Variants in LHX6 observed in about 807,000 individuals in gnomAD.
LHX6 encodes the protein LIM homeobox 6.
LHX6 carries 15 observed loss-of-function variants against 47.1 expected under a neutral mutation model. The observed-to-expected ratio is 0.32, with a 90% CI of 0.21 to 0.49. The LOEUF is 0.49. Among genes scored for constraint, LHX6 ranks in the 20% least tolerant of loss-of-function variants. LHX6 has a pLI of 0.99. For synonymous variants in LHX6, 242 were observed against 233.5 expected (o/e 1.04, Z -0.33); for missense variants, 404 against 539.6 (o/e 0.75, Z 2.49).
intron 9 of LHX6, among the ~76,000 whole-genome samples, chr9:122,206,852 G>C (rs1830198805): frequency 6.6e-6 from 1 of 152,118 alleles, no homozygotes; most frequent in Non-Finnish European, 1.5e-5. Flanking sequence ...ACGTCCCCCA[G>C]GGTCCCCTCC....
intron 2 of LHX6, 51 bp downstream of exon 2, chr9:122,227,358 G>C (rs532783853): frequency 6.9e-7 from 1 of 1,456,098 alleles, no homozygotes; most frequent in African/African-American, 1.5e-5. Context: ...AGGTCCCCAG[G>C]GCCGGGCCGC....
intron 4 of LHX6, among the ~76,000 whole-genome samples, chr9:122,218,233 G>C (rs116540710): frequency 1.9e-3 from 283 of 152,182 alleles, no homozygotes; most frequent in African/African-American, 6.4e-3. Flanking sequence ...GCCTGATCCC[G>C]GGCACCAGGG....
chr9:122,218,171 C>T (rs988433261), intron 4 of LHX6, among the ~76,000 whole-genome samples: 4 of 152,120 alleles, frequency 2.6e-5, no homozygotes, highest in African/African-American at 9.7e-5. Context: ...ACTGGAAGCC[C>T]CTCCAGGAGG....
intron 4 of LHX6, among the ~76,000 whole-genome samples, chr9:122,223,317 G>C (rs556428886): frequency 6.6e-6 from 1 of 152,228 alleles, no homozygotes; most frequent in Admixed American, 6.5e-5. Context: ...TGCTTTCAGG[G>C]CTCTTGTCAT....
Position 122,226,786 on chromosome 9 carries a change from C to T in LHX6, c.339+62G>A, listed in dbSNP as rs1831120969. 3.3e-6 allele frequency: 5 copies of T among 1,499,826 alleles called. No homozygotes were observed. Among genetic ancestry groups the T allele is most frequent in the Admixed American group, 4.2e-5 (2 of 48,002 alleles). The allele number at this position is 1,499,826 out of a possible 1,614,324, so 92.9% of individuals were successfully genotyped here. On this transcript the variant is annotated intron_variant, in intron 3 of 9. Coordinates refer to ENST00000394319, the MANE Select transcript of LHX6 (RefSeq NM_014368.5). The surrounding 1 kb of genome is among the most constrained non-coding windows in gnomAD (Gnocchi z 6.5). ...TAAGAGGACCTGCGGTGCTTCCCTG[C>T]AGTCTCCTGCGCTGCGTCCCACGCC...
At position 122,214,167 on chromosome 9, in the gene LHX6, T is replaced by G; in HGVS notation, c.784-98A>C. The G allele has an allele frequency of 1.4e-6, 2 of 1,409,540 alleles. No individual in the cohort carries two copies. Among genetic ancestry groups the G allele is most frequent in the South Asian group, 2.7e-5 (2 of 75,336 alleles). 87.3% of individuals were successfully genotyped at this position (1,409,540 alleles called of 1,614,324 possible). A position where few individuals can be genotyped will look rare whatever the true frequency, so the allele number is the denominator to read the frequency against. Reference sequence around the variant, plus strand: ...GTCCACAGGCCACGCCCCAGGCAGCTGCGGCCCCGCCCCGCCACCCGGGTC... The same window carrying G: ...GTCCACAGGCCACGCCCCAGGCAGCGGCGGCCCCGCCCCGCCACCCGGGTC... On this transcript the variant is annotated intron_variant, in intron 6 of 9. Coordinates refer to ENST00000394319, the MANE Select transcript of LHX6 (RefSeq NM_014368.5). The surrounding 1 kb of genome is among the most constrained non-coding windows in gnomAD (Gnocchi z 4.6).
intron 4 of LHX6, among the ~76,000 whole-genome samples, chr9:122,219,747 C>T (rs1830759990): frequency 6.6e-6 from 1 of 152,134 alleles, no homozygotes. Context: ...GCCGGAAACT[C>T]CACAGGGTAT....
chr9:122,219,508 G>A (rs925331284), intron 4 of LHX6, among the ~76,000 whole-genome samples: 1 of 152,202 alleles, frequency 6.6e-6, no homozygotes, highest in African/African-American at 2.4e-5. Context: ...CACCCGGCTG[G>A]TGGTATCCGG....
At chr9:122,207,038 C>G (rs747734061) in intron 9 of LHX6, among the ~76,000 whole-genome samples, 1 of 152,218 alleles carries the variant, frequency 6.6e-6, no homozygotes, top group Non-Finnish European at 1.5e-5. Context: ...TAACTGCCCA[C>G]ACCCTGTGCT....
chr9:122,222,961 G>A (rs767920939), intron 4 of LHX6, among the ~76,000 whole-genome samples: 1 of 152,154 alleles, frequency 6.6e-6, no homozygotes. Context: ...GGAAACAGAA[G>A]CCTAGAGAAC....
chr9:122,209,491 G>A, intron 9 of LHX6, 123 bp downstream of exon 9: 3 of 1,452,588 alleles, frequency 2.1e-6, no homozygotes, highest in Non-Finnish European at 2.8e-6. Context: ...GGTCTCAGCA[G>A]GCCGGGCAGA....
chr9:122,226,860 T>C lies in LHX6; in HGVS notation c.327A>G (p.Arg109=), dbSNP rs1828700475. 3 of 1,566,678 alleles carry C rather than the reference T, an allele frequency of 1.9e-6. No homozygotes were observed. The highest frequency in any genetic ancestry group is 2.6e-6 in the Non-Finnish European group (3 of 1,156,090). Residue 109 remains arginine, a synonymous_variant, in exon 3 of 10, where the codon CGA becomes CGG. Transcript: ENST00000394319. The surrounding 1 kb of genome is among the most constrained non-coding windows in gnomAD (Gnocchi z 6.5). ...ACCCCTGTCTCACCTTGAGCAGATA[T>C]CGGTCCAGGATCTCGAGGCCGCAGC... The part of the protein sequence containing the change: ...CSSCGLEILD[R]YLLKVNNLIW...
In LHX6 at chr9:122,226,934, G is replaced by A. The variant is rs1242865793; in HGVS notation, c.253C>T (p.Pro85Ser). The change falls in exon 3 of 10, where the codon CCC (proline) becomes TCC (serine). Residue 85 changes from proline (P) to serine (S), a missense_variant. Around this residue, in one of 7 missense-constraint regions of LHX6, gnomAD observed 144 missense variants for 128.7 expected, o/e 1.12. Coordinates refer to ENST00000394319, the MANE Select transcript of LHX6 (RefSeq NM_014368.5). The surrounding 1 kb of genome is among the most constrained non-coding windows in gnomAD (Gnocchi z 6.5). The part of the protein sequence containing the change: ...TPSTPSVCSP[P>S]SAASSVPSAG... The stretch of plus-strand genomic sequence containing the variant: ...GACGGCACGGAGGAGGCGGCAGAGG[G>A]CGGTGAGCAGACAGATGGCGTGCTG... 4.5e-6 allele frequency: 7 copies of A among 1,558,684 alleles called. No homozygotes were observed. The highest frequency in any genetic ancestry group is 6.1e-6 in the Non-Finnish European group (7 of 1,151,342).
intron 4 of LHX6, among the ~76,000 whole-genome samples, chr9:122,222,128 C>A (rs906043276): frequency 6.6e-6 from 1 of 152,222 alleles, no homozygotes; most frequent in African/African-American, 2.4e-5. Flanking sequence ...AGCAATGGCA[C>A]TTTCCCAGGA....
At chr9:122,211,582 G>A (rs1163374275) in intron 8 of LHX6, among the ~76,000 whole-genome samples, 1 of 152,194 alleles carries the variant, frequency 6.6e-6, no homozygotes, top group African/African-American at 2.4e-5. Flanking sequence ...GTTTACCATA[G>A]AGCAAACTGC....
rs372911273 is a variant in LHX6 at position 122,213,411 on chromosome 9, G to T, written c.1054+195C>A. On this transcript the variant is annotated intron_variant, in intron 8 of 9. Transcript: ENST00000394319. The surrounding 1 kb of genome is among the most constrained non-coding windows in gnomAD (Gnocchi z 5.5). ...ATCGCTTGCCTCTATGAAGGATCCC[G>T]CTCCACTGAGGCAGAGCCGAAGATT... Among the ~76,000 whole-genome samples, 327 of 152,166 alleles carry T rather than the reference G, an allele frequency of 2.1e-3. 1 individual carries two copies. The highest frequency in any genetic ancestry group is 7.6e-3 in the African/African-American group (317 of 41,508).
At chr9:122,227,695 C>T (rs1449619423) in intron 1 of LHX6, 2 of 1,021,342 alleles carry the variant, frequency 2.0e-6, no homozygotes, top group African/African-American at 1.7e-5. Context: ...CTCTCTCCCC[C>T]TCTCCCTGCA....
At position 122,226,129 on chromosome 9, in the gene LHX6, C is replaced by T. The variant is rs1323259971; in HGVS notation, c.461+247G>A. On this transcript the variant is annotated intron_variant, in intron 4 of 9. Transcript: ENST00000394319. This position sits in a 1 kb window ranked among gnomAD's most constrained non-coding sequence, Gnocchi z 6.5. ...ACCCGAGACAGAGCCAGAGACGATA[C>T]CGAAACCCAATGGACCGCGAGGACC... is the stretch of plus-strand genomic sequence containing the variant. Among the ~76,000 whole-genome samples the T allele has an allele frequency of 6.6e-6, 1 of 152,188 alleles. No homozygotes were observed. Among genetic ancestry groups the T allele is most frequent in the Non-Finnish European group, 1.5e-5 (1 of 68,046 alleles).
chr9:122,221,808 C>T lies in LHX6; in HGVS notation c.462-4520G>A, dbSNP rs73663052. 9.4e-4 allele frequency: 700 copies of T among 744,858 alleles called. 3 individuals carry two copies. The African/African-American group carries it at 0.013, about 13-fold the overall frequency. 46.1% of individuals were successfully genotyped at this position (744,858 alleles called of 1,614,324 possible). A position where few individuals can be genotyped will look rare whatever the true frequency, so the allele number is the denominator to read the frequency against. The stretch of plus-strand genomic sequence containing the variant: ...TTTGGATCAGCAGAGAGGGGCCCCA[C>T]GATGCACAGACGGGTGGCTGATATA... On this transcript the variant is annotated intron_variant, in intron 4 of 9. Coordinates refer to ENST00000394319, the MANE Select transcript of LHX6 (RefSeq NM_014368.5).
Sources: allele counts gnomAD v4.1 joint callset (sites outside exome capture counted in the v4.1 genomes callset), GRCh38; gene constraint gnomAD v4.1.1; regional missense constraint gnomAD v4.1.1; non-coding constraint Gnocchi (gnomAD v3.1); transcripts MANE v1.5; gene names NCBI Gene and HGNC (gene_info 2026-07-23, HGNC 2026-07-21).